The following VPS37C variants were observed in gnomAD, a reference collection of about 807,000 sequenced individuals.
The protein encoded by VPS37C is vacuolar protein sorting-associated protein 37C.
Under a neutral mutation model 16.1 loss-of-function variants are expected in VPS37C, and 9 were observed. The observed-to-expected ratio is 0.56, with a 90% CI of 0.34 to 0.97. VPS37C has a LOEUF of 0.97. Ranked by LOEUF, VPS37C falls within the 50% of genes least tolerant of loss-of-function variation. The pLI is 0.02. For synonymous variants in VPS37C, 207 were observed against 206.4 expected, an observed-to-expected ratio of 1.00 and a Z score of -0.02; for missense variants, 479 against 472.7, an observed-to-expected ratio of 1.01 and a Z score of -0.12.
intron 1 of VPS37C, among the ~76,000 whole-genome samples, chr11:61,154,462 T>TA (rs1365806527): frequency 6.6e-6 from 1 of 151,996 alleles, no homozygotes; most frequent in African/African-American, 2.4e-5. Flanking sequence ...ATCAGCAGAT[T>TA]AGACAATGCA....
intron 2 of VPS37C, among the ~76,000 whole-genome samples, chr11:61,136,161 A>AT (rs34085615): frequency 0.014 from 1,540 of 109,342 alleles, 24 homozygotes; most frequent in African/African-American, 0.041. Flanking sequence ...TTAATTACAC[A>AT]TTTTTTTTTT....
chr11:61,157,804 G>A (rs77247639), intron 1 of VPS37C, among the ~76,000 whole-genome samples: 1,836 of 152,330 alleles, frequency 0.012, 32 homozygotes, highest in African/African-American at 0.042. Context: ...CAATGTTGGA[G>A]GTAGGGCCTA....
intron 2 of VPS37C, among the ~76,000 whole-genome samples, chr11:61,137,412 T>C (rs1204372616): frequency 1.3e-5 from 2 of 152,184 alleles, no homozygotes; most frequent in African/African-American, 4.8e-5. Context: ...AAAATTCAAG[T>C]GCCTTCTGCC....
chr11:61,151,745 C>T (rs532544257), intron 1 of VPS37C, among the ~76,000 whole-genome samples: 2 of 152,170 alleles, frequency 1.3e-5, no homozygotes, highest in African/African-American at 2.4e-5. Flanking sequence ...TGGCATCAGT[C>T]AACAGAGGAA....
intron 1 of VPS37C, among the ~76,000 whole-genome samples, chr11:61,148,943 G>A (rs1013222654): frequency 6.6e-6 from 1 of 152,158 alleles, no homozygotes; most frequent in African/African-American, 2.4e-5. Flanking sequence ...GGGCTGGGTT[G>A]GGGTTGGAGA....
chr11:61,159,985 G>A (rs866072099), intron 1 of VPS37C, among the ~76,000 whole-genome samples: 3 of 147,172 alleles, frequency 2.0e-5, no homozygotes, highest in African/African-American at 7.5e-5. Flanking sequence ...TAACATCTCC[G>A]CAACTCACTT....
At chr11:61,149,314 A>G (rs1401580518) in intron 1 of VPS37C, among the ~76,000 whole-genome samples, 1 of 152,134 alleles carries the variant, frequency 6.6e-6, no homozygotes, top group Non-Finnish European at 1.5e-5. Flanking sequence ...AAAAAGACTA[A>G]GTGAAGAGGC....
At chr11:61,142,014 G>A (rs1042544190) in intron 1 of VPS37C, among the ~76,000 whole-genome samples, 2 of 152,230 alleles carry the variant, frequency 1.3e-5, no homozygotes, top group African/African-American at 4.8e-5. Context: ...GAGATTCCCT[G>A]GGACAGGCAC....
At chr11:61,145,043 C>T (rs891113729) in intron 1 of VPS37C, 4 of 152,214 alleles carry the variant, frequency 2.6e-5, no homozygotes, top group Admixed American at 6.5e-5. Flanking sequence ...TGGCTCTTTT[C>T]TTCTGAAATC....
chr11:61,146,573 C>T (rs1289618170), intron 1 of VPS37C, among the ~76,000 whole-genome samples: 2 of 152,070 alleles, frequency 1.3e-5, no homozygotes, highest in African/African-American at 2.4e-5. Flanking sequence ...ATCCAAGGGG[C>T]TGGGAGGGGA....
rs1176850342 is a variant in VPS37C at position 61,159,297 on chromosome 11, G to C, written c.-7+2094C>G. ...GTTTCCCAAACTTGCCTTACCGTAAGAATCACCCAGTGCATTTGTTAATAG... is the reference window on the plus strand; with the variant it reads ...GTTTCCCAAACTTGCCTTACCGTAACAATCACCCAGTGCATTTGTTAATAG... On this transcript the variant is annotated intron_variant, in intron 1 of 4. Transcript: ENST00000301765. Among the ~76,000 whole-genome samples, 13 of 152,268 alleles carry C rather than the reference G, an allele frequency of 8.5e-5. No individual in the cohort carries two copies. The East Asian group carries it at 2.3e-3, about 27-fold the overall frequency.
chr11:61,131,010 C>A lies in VPS37C; in HGVS notation c.*810G>T. 1 of 308,450 alleles carries A rather than the reference C, an allele frequency of 3.2e-6. No homozygotes were observed. The highest frequency in any genetic ancestry group is 6.1e-6 in the Non-Finnish European group (1 of 163,312). 19.1% of individuals were successfully genotyped at this position (308,450 alleles called of 1,614,324 possible). A position where few individuals can be genotyped will look rare whatever the true frequency, so the allele number is the denominator to read the frequency against. On this transcript the variant is annotated 3_prime_UTR_variant, in exon 5 of 5. Transcript: ENST00000301765. Reference sequence around the variant, plus strand: ...CCCCAGAGGAGAGAAGGGAGGGTGGCTGGGGAGGTGACCTGGCCCTCCAAT... The same window carrying A: ...CCCCAGAGGAGAGAAGGGAGGGTGGATGGGGAGGTGACCTGGCCCTCCAAT...
intron 1 of VPS37C, among the ~76,000 whole-genome samples, chr11:61,160,713 C>T (rs1853460138): frequency 6.6e-6 from 1 of 152,210 alleles, no homozygotes. Flanking sequence ...CTTCTCCCAT[C>T]CGTAAAGTGG....
chr11:61,148,094 T>G (rs1590791321), intron 1 of VPS37C, among the ~76,000 whole-genome samples: 2 of 152,180 alleles, frequency 1.3e-5, no homozygotes, highest in Non-Finnish European at 2.9e-5. Context: ...TTATTCCACC[T>G]CCTGGCGTTA....
intron 1 of VPS37C, among the ~76,000 whole-genome samples, chr11:61,150,015 T>C (rs1463964202): frequency 6.6e-6 from 1 of 152,144 alleles, no homozygotes; most frequent in Non-Finnish European, 1.5e-5. Flanking sequence ...GTCGCTGGCT[T>C]GGCTTTGCTG....
chr11:61,134,206 A>T lies in VPS37C; in HGVS notation c.95T>A (p.Val32Asp). The stretch of plus-strand genomic sequence containing the variant: ...CTCCCGTTCCAGCTGTAGGTCCTGG[A>T]CCTAAAAGGGCAGGACAACAGAACC... ...IDQLALESPE[V>D]QDLQLEREMA... Residue 32 changes from valine (V) to aspartate (D), a missense_variant and splice_region_variant, in exon 3 of 5, where the codon GTC (valine) becomes GAC (aspartate). Physicochemically the swap from Val to Asp is radical, Grantham distance 152. Transcript: ENST00000301765. 6.2e-7 allele frequency: 1 copy of T among 1,610,588 alleles called. No individual in the cohort carries two copies. Among genetic ancestry groups the T allele is most frequent in the Non-Finnish European group, 8.5e-7 (1 of 1,177,432 alleles).
intron 1 of VPS37C, among the ~76,000 whole-genome samples, chr11:61,158,301 T>C (rs1187410946): frequency 6.6e-6 from 1 of 152,190 alleles, no homozygotes; most frequent in African/African-American, 2.4e-5. Flanking sequence ...AATGTCCCTC[T>C]CTCAATAACT....
intron 1 of VPS37C, among the ~76,000 whole-genome samples, chr11:61,154,959 C>T (rs935079180): frequency 8.6e-5 from 13 of 151,812 alleles, no homozygotes; most frequent in Non-Finnish European, 1.6e-4. Flanking sequence ...AAAAAATTTG[C>T]CTGGCATGGT....
At chr11:61,142,644 C>T (rs114631999) in intron 1 of VPS37C, among the ~76,000 whole-genome samples, 300 of 151,888 alleles carry the variant, frequency 2.0e-3, no homozygotes, top group African/African-American at 7.1e-3. Flanking sequence ...TACACTCATG[C>T]AAGAAAAGAG....
Sources: gnomAD v4.1 joint callset for allele counts (sites outside exome capture counted in the v4.1 genomes callset) on GRCh38, gnomAD v4.1.1 for gene constraint, MANE v1.5 for transcripts, NCBI Gene and HGNC (gene_info 2026-07-23, HGNC 2026-07-21) for gene names.